PRORP: variants seen among roughly 807,000 people sequenced by gnomAD.
PRORP encodes the protein mitochondrial ribonuclease P catalytic subunit.
PRORP carries 51 observed loss-of-function variants against 59.4 expected under a neutral mutation model. The ratio of observed to expected loss-of-function variants is 0.86; its 90% CI spans 0.69 to 1.08. The LOEUF is 1.08. PRORP is among the 50% of genes least tolerant of loss of function. PRORP has a pLI of 0.00. For synonymous variants in PRORP, 231 were observed against 245.6 expected (o/e 0.94, Z 0.55); for missense variants, 646 against 690.3 (o/e 0.94, Z 0.72).
chr14:35,218,613 G>A lies in PRORP; in HGVS notation c.1275+37836G>A, dbSNP rs568548741. Among the ~76,000 whole-genome samples, 24 of 133,226 alleles carry A rather than the reference G, an allele frequency of 1.8e-4. No individual in the cohort carries two copies. The South Asian group carries it at 4.3e-3, about 24-fold the overall frequency. 87.4% of individuals were successfully genotyped at this position (133,226 alleles called of 152,430 possible). On this transcript the variant is annotated intron_variant, in intron 5 of 7. Transcript: ENST00000534898. Reference sequence around the variant, plus strand: ...GCGATCTCAGCTCACTGCAACTTCCGCCTCCTGAGTTTAAGCCATTCTCCT... The same window carrying A: ...GCGATCTCAGCTCACTGCAACTTCCACCTCCTGAGTTTAAGCCATTCTCCT...
chr14:35,241,425 G>C (rs935307423), intron 5 of PRORP, among the ~76,000 whole-genome samples: 9 of 151,912 alleles, frequency 5.9e-5, no homozygotes, highest in African/African-American at 1.9e-4. Flanking sequence ...TCAGGGACCT[G>C]AGCATCCAAA....
At chr14:35,155,020 G>C (rs1489355646) in intron 4 of PRORP, among the ~76,000 whole-genome samples, 1 of 152,028 alleles carries the variant, frequency 6.6e-6, no homozygotes, top group African/African-American at 2.4e-5. Context: ...TCAGCCTCCT[G>C]AGTAGCTAGG....
chr14:35,142,078 C>T (rs2047492839), intron 4 of PRORP, among the ~76,000 whole-genome samples: 1 of 144,540 alleles, frequency 6.9e-6, no homozygotes, highest in African/African-American at 2.4e-5. Flanking sequence ...AGGGTTTCAC[C>T]ATGTTGGCCA....
chr14:35,197,495 A>AT (rs1450123537), intron 5 of PRORP, among the ~76,000 whole-genome samples: 1 of 152,062 alleles, frequency 6.6e-6, no homozygotes, highest in Admixed American at 6.6e-5. Context: ...TTAAAACAGC[A>AT]TTTTTTTCCT....
intron 4 of PRORP, among the ~76,000 whole-genome samples, chr14:35,129,701 G>A (rs1000606047): frequency 3.3e-5 from 5 of 151,604 alleles, no homozygotes; most frequent in Non-Finnish European, 7.4e-5. Context: ...GGCTGGCCTC[G>A]AACTCCTGAC....
intron 5 of PRORP, among the ~76,000 whole-genome samples, chr14:35,188,961 A>AAAAAAAAAG (rs1555326788): frequency 2.3e-5 from 3 of 132,774 alleles, no homozygotes; most frequent in Non-Finnish European, 3.2e-5. Flanking sequence ...AAAAAAAAAA[A>AAAAAAAAAG]AAAGTATTGC....
intron 4 of PRORP, among the ~76,000 whole-genome samples, chr14:35,154,746 A>G (rs968789630): frequency 1.3e-5 from 2 of 152,096 alleles, no homozygotes; most frequent in Non-Finnish European, 2.9e-5. Context: ...GATAAAAGCA[A>G]TTTGAGATAA....
chr14:35,245,199 G>T (rs2050454419), intron 5 of PRORP, among the ~76,000 whole-genome samples: 1 of 152,178 alleles, frequency 6.6e-6, no homozygotes, highest in South Asian at 2.1e-4. Flanking sequence ...CAGCTTTCAG[G>T]AGTAGGTCAA....
At chr14:35,130,469 C>G (rs1292480018) in intron 4 of PRORP, among the ~76,000 whole-genome samples, 1 of 145,962 alleles carries the variant, frequency 6.9e-6, no homozygotes, top group African/African-American at 2.6e-5. Flanking sequence ...TCTTATTGCT[C>G]ATTAATGTCC....
At chr14:35,195,438 T>TA (rs943604689) in intron 5 of PRORP, among the ~76,000 whole-genome samples, 20 of 149,240 alleles carry the variant, frequency 1.3e-4, no homozygotes, top group South Asian at 4.2e-4. Context: ...TTTTTGAAAA[T>TA]AAAAAAAAAA....
chr14:35,165,214 C>T (rs1015174153), intron 4 of PRORP, among the ~76,000 whole-genome samples: 5 of 152,106 alleles, frequency 3.3e-5, no homozygotes, highest in African/African-American at 7.2e-5. Context: ...GGTCTTACTA[C>T]GTTGCCCAGG....
chr14:35,272,232 T>C (rs1445558169), intron 7 of PRORP, among the ~76,000 whole-genome samples: 1 of 152,238 alleles, frequency 6.6e-6, no homozygotes, highest in Non-Finnish European at 1.5e-5. Context: ...GTTAATGAGC[T>C]CAATTTAGCT....
intron 5 of PRORP, among the ~76,000 whole-genome samples, chr14:35,244,446 C>CT (rs773016315): frequency 0.045 from 6,515 of 143,438 alleles, 161 homozygotes; most frequent in Non-Finnish European, 0.057. Context: ...TGGATATTAT[C>CT]TTTTTTTTTT....
intron 4 of PRORP, among the ~76,000 whole-genome samples, chr14:35,154,051 A>G (rs559237152): frequency 1.3e-5 from 2 of 152,288 alleles, no homozygotes; most frequent in African/African-American, 4.8e-5. Flanking sequence ...TTAAACAGAG[A>G]CAGTTGGACC....
intron 5 of PRORP, among the ~76,000 whole-genome samples, chr14:35,238,116 G>C (rs2050267302): frequency 6.6e-6 from 1 of 151,670 alleles, no homozygotes; most frequent in South Asian, 2.1e-4. Flanking sequence ...TGGGCACTGT[G>C]CTTAAACAAT....
chr14:35,263,075 A>G, intron 5 of PRORP: 5 of 1,362,646 alleles, frequency 3.7e-6, no homozygotes, highest in Non-Finnish European at 1.0e-6. Context: ...AAGATGCCGG[A>G]TGATTCCTAA....
chr14:35,168,220 G>A (rs1364121009), intron 4 of PRORP, among the ~76,000 whole-genome samples: 1 of 152,044 alleles, frequency 6.6e-6, no homozygotes, highest in African/African-American at 2.4e-5. Flanking sequence ...GTACCATCCC[G>A]CATTCCCATC....
chr14:35,214,352 T>G, intron 5 of PRORP, among the ~76,000 whole-genome samples: 1 of 152,164 alleles, frequency 6.6e-6, no homozygotes, highest in East Asian at 1.9e-4. Flanking sequence ...ATTAGGTCAA[T>G]TATGTGGTCA....
intron 4 of PRORP, among the ~76,000 whole-genome samples, chr14:35,178,990 C>T (rs2048527858): frequency 1.3e-5 from 2 of 152,116 alleles, no homozygotes; most frequent in Non-Finnish European, 2.9e-5. Context: ...TATTTCTCCT[C>T]CACTTATGAA....
Sources: allele counts gnomAD v4.1 joint callset (sites outside exome capture counted in the v4.1 genomes callset), GRCh38; gene constraint gnomAD v4.1.1; transcripts MANE v1.5; gene names NCBI Gene and HGNC (gene_info 2026-07-23, HGNC 2026-07-21).